Variants in ASTN2 observed in about 807,000 individuals in gnomAD.
ASTN2 encodes the protein astrotactin 2.
ASTN2 carries 54 observed loss-of-function variants against 139.8 expected under a neutral mutation model. That is an observed-to-expected ratio of 0.39 (90% CI 0.31 to 0.48). ASTN2 has a LOEUF of 0.48. Ranked by LOEUF, ASTN2 falls within the 20% of genes least tolerant of loss-of-function variation. ASTN2 has a pLI of 0.95. For missense variants in ASTN2, 1,565 were observed against 1,725.1 expected (o/e 0.91, Z 1.64); for synonymous variants, 756 against 719.5 (o/e 1.05, Z -0.81).
chr9:116,585,523 A>T (rs1414029452), intron 19 of ASTN2: 1 of 152,202 alleles, frequency 6.6e-6, no homozygotes, highest in Non-Finnish European at 1.5e-5. Flanking sequence ...CATACACCCA[A>T]GCCATCTGGT....
chr9:117,212,917 CA>C (rs1352823588), intron 3 of ASTN2, among the ~76,000 whole-genome samples: 1 of 152,146 alleles, frequency 6.6e-6, no homozygotes, highest in East Asian at 1.9e-4. Flanking sequence ...ATATATCTAG[CA>C]ATCCCATGAC....
chr9:117,414,405 G>T lies in ASTN2; in HGVS notation c.442+92C>A. 1.3e-6 allele frequency: 2 copies of T among 1,556,284 alleles called. No homozygotes were observed. The highest frequency in any genetic ancestry group is 2.5e-5 in the East Asian group (1 of 39,996). On this transcript the variant is annotated intron_variant, in intron 1 of 22. Coordinates refer to ENST00000313400, the MANE Select transcript of ASTN2 (RefSeq NM_001365068.1). The surrounding 1 kb of genome is among the most constrained non-coding windows in gnomAD (Gnocchi z 4.2). ...GCCAACCCCACTCGGGGCAGCCCCGGGCAGGGATCCCCAGGGCGCCCCCAC... is the reference window on the plus strand; with the variant it reads ...GCCAACCCCACTCGGGGCAGCCCCGTGCAGGGATCCCCAGGGCGCCCCCAC...
intron 10 of ASTN2, among the ~76,000 whole-genome samples, chr9:116,922,598 C>T (rs1336664245): frequency 1.3e-5 from 2 of 152,074 alleles, no homozygotes; most frequent in Non-Finnish European, 2.9e-5. Flanking sequence ...CCATTACTGG[C>T]TGGTGGTGAA....
intron 19 of ASTN2, among the ~76,000 whole-genome samples, chr9:116,574,391 G>A (rs927933058): frequency 6.6e-6 from 1 of 152,122 alleles, no homozygotes; most frequent in Non-Finnish European, 1.5e-5. Flanking sequence ...TATACTCAAA[G>A]GCCAGTGCCA....
In ASTN2 at chr9:116,687,785, T is replaced by G. The variant is rs1201636183; in HGVS notation, c.2807-35992A>C. Among the ~76,000 whole-genome samples, 3 of 151,616 alleles carry G rather than the reference T, an allele frequency of 2.0e-5. No individual in the cohort carries two copies. In the East Asian group the frequency reaches 5.8e-4, roughly 30 times the overall value. On this transcript the variant is annotated intron_variant, in intron 16 of 22. Transcript: ENST00000313400. ...ATATGAAGGAACTGGGGGGCCCCGA[T>G]GAGATTTGAGGAAATCTGGGGGCGC...
chr9:116,891,168 A>G (rs1379004464), intron 10 of ASTN2, among the ~76,000 whole-genome samples: 1 of 152,154 alleles, frequency 6.6e-6, no homozygotes, highest in Non-Finnish European at 1.5e-5. Flanking sequence ...TCTCTTAAAG[A>G]CTGTTTATAT....
intron 3 of ASTN2, among the ~76,000 whole-genome samples, chr9:117,172,865 A>G (rs1437263366): frequency 6.6e-6 from 1 of 152,116 alleles, no homozygotes; most frequent in African/African-American, 2.4e-5. Flanking sequence ...TTCATTAGGA[A>G]TCTTTGCTCA....
intron 6 of ASTN2, among the ~76,000 whole-genome samples, chr9:117,037,466 T>C (rs9695535): frequency 0.15 from 22,360 of 152,148 alleles, 1,978 homozygotes; most frequent in African/African-American, 0.25. Flanking sequence ...TTATCCACAT[T>C]TTATAGATGG....
At chr9:117,345,138 G>A (rs945560829) in intron 1 of ASTN2, among the ~76,000 whole-genome samples, 2 of 152,108 alleles carry the variant, frequency 1.3e-5, no homozygotes, top group African/African-American at 4.8e-5. Context: ...GGACTGCCAG[G>A]AGCCAAGCCT....
Position 116,974,795 on chromosome 9 carries a change from C to T in ASTN2, c.1889+413G>A, listed in dbSNP as rs143779931. ...AAGTGCTGGGATTACAGGCGTGAGC[C>T]ACCACGCCTGGTCTTTAGCCTGGAC... On this transcript the variant is annotated intron_variant, in intron 10 of 22. Transcript: ENST00000313400. Among the ~76,000 whole-genome samples, 164 of 152,236 alleles carry T rather than the reference C, an allele frequency of 1.1e-3. 4 individuals carry two copies. The East Asian group carries it at 0.025, about 23-fold the overall frequency.
chr9:117,302,526 G>A (rs952261423), intron 1 of ASTN2, among the ~76,000 whole-genome samples: 3 of 151,964 alleles, frequency 2.0e-5, no homozygotes, highest in Admixed American at 1.3e-4. Context: ...ATAATGCCAG[G>A]GCCCCTTCCA....
At chr9:116,626,896 G>A (rs1425545694) in intron 17 of ASTN2, among the ~76,000 whole-genome samples, 1 of 152,168 alleles carries the variant, frequency 6.6e-6, no homozygotes, top group Non-Finnish European at 1.5e-5. Flanking sequence ...CTGGAACTCT[G>A]GATAGGATCT....
At chr9:116,909,069 C>T (rs1005253287) in intron 10 of ASTN2, among the ~76,000 whole-genome samples, 6 of 152,122 alleles carry the variant, frequency 3.9e-5, no homozygotes, top group Admixed American at 1.3e-4. Flanking sequence ...GGGGAGGACA[C>T]TGGATTCATT....
chr9:116,651,631 C>G lies in ASTN2; in HGVS notation c.2969G>C (p.Cys990Ser), dbSNP rs776602281. The G allele has an allele frequency of 6.2e-7, 1 of 1,614,008 alleles. No homozygotes were observed. The highest frequency in any genetic ancestry group is 8.5e-7 in the Non-Finnish European group (1 of 1,180,022). The change falls in exon 17 of 23, where the codon TGC becomes TCC. Residue 990 changes from cysteine to serine, a missense_variant. This residue lies in a region of ASTN2 where 418 missense variants were observed against 465.8 expected (regional missense o/e 0.90). Coordinates refer to ENST00000313400, the MANE Select transcript of ASTN2 (RefSeq NM_001365068.1). Reference protein sequence around the residue: ...KGRCPSTCHLCRRPGKEQLSP... With the variant: ...KGRCPSTCHLSRRPGKEQLSP... ...CAGCTGCTCCTTGCCTGGCCGGCGG[C>G]AAAGGTGACAGGTAGATGGACAGCG...
intron 2 of ASTN2, among the ~76,000 whole-genome samples, chr9:117,252,846 C>T (rs1334979356): frequency 6.6e-6 from 1 of 152,148 alleles, no homozygotes; most frequent in Non-Finnish European, 1.5e-5. Flanking sequence ...AATTGGGCTC[C>T]AAAGTCAGAT....
intron 1 of ASTN2, among the ~76,000 whole-genome samples, chr9:117,312,695 C>A (rs1294076560): frequency 6.6e-6 from 1 of 152,138 alleles, no homozygotes; most frequent in East Asian, 1.9e-4. Context: ...AGGACAAAAA[C>A]TCAGGGTCCA....
chr9:117,041,601 A>G (rs1838574429), intron 5 of ASTN2, among the ~76,000 whole-genome samples: 1 of 152,138 alleles, frequency 6.6e-6, no homozygotes, highest in South Asian at 2.1e-4. Context: ...AGGTGCACGC[A>G]TATCTGTTCA....
chr9:116,621,426 C>T (rs530477959), intron 17 of ASTN2, among the ~76,000 whole-genome samples: 131 of 138,098 alleles, frequency 9.5e-4, no homozygotes, highest in African/African-American at 3.4e-3. Context: ...CACACACACA[C>T]ACACACACAT....
intron 22 of ASTN2, chr9:116,437,236 AT>A (rs1351025193): frequency 4.4e-6 from 2 of 454,280 alleles, no homozygotes; most frequent in African/African-American, 2.0e-5. Context: ...GTTCGTCCTT[AT>A]CATGTTATAG....
Sources: allele counts gnomAD v4.1 joint callset (sites outside exome capture counted in the v4.1 genomes callset), GRCh38; gene constraint gnomAD v4.1.1; regional missense constraint gnomAD v4.1.1; non-coding constraint Gnocchi (gnomAD v3.1); transcripts MANE v1.5; gene names NCBI Gene and HGNC (gene_info 2026-07-23, HGNC 2026-07-21).